The following CDKAL1 variants were observed in gnomAD, a reference collection of about 807,000 sequenced individuals.
CDKAL1 encodes the protein threonylcarbamoyladenosine tRNA methylthiotransferase.
Under a neutral mutation model 68.2 loss-of-function variants are expected in CDKAL1, and 32 were observed. That is an observed-to-expected ratio of 0.47 (90% confidence interval 0.35 to 0.63). The LOEUF is 0.63. Among genes scored for constraint, CDKAL1 ranks in the 30% least tolerant of loss-of-function variants. The pLI is 0.00. For missense variants in CDKAL1, 606 were observed against 696.7 expected (o/e 0.87, Z 1.47); for synonymous variants, 234 against 244.3 (o/e 0.96, Z 0.39).
chr6:21,076,669 G>A (rs1772091272), intron 12 of CDKAL1, among the ~76,000 whole-genome samples: 1 of 152,168 alleles, frequency 6.6e-6, no homozygotes, highest in Admixed American at 6.5e-5. Flanking sequence ...GGATTGTTAA[G>A]TACCTTTTAT....
At chr6:20,755,412 G>C (rs904766321) in intron 6 of CDKAL1, among the ~76,000 whole-genome samples, 3 of 152,028 alleles carry the variant, frequency 2.0e-5, no homozygotes. Context: ...ATAACTTTCT[G>C]TCCTTTTTCT....
intron 9 of CDKAL1, among the ~76,000 whole-genome samples, chr6:20,928,575 A>G (rs1373764719): frequency 6.6e-6 from 1 of 152,214 alleles, no homozygotes; most frequent in African/African-American, 2.4e-5. Context: ...TAGATGAAGA[A>G]TCTGAGATCT....
intron 5 of CDKAL1, among the ~76,000 whole-genome samples, chr6:20,701,627 A>C (rs1771364641): frequency 1.3e-5 from 2 of 150,960 alleles, no homozygotes; most frequent in Admixed American, 6.6e-5. Flanking sequence ...GCCCCCTCCC[A>C]CTCTGTCTAA....
At chr6:21,122,269 T>G (rs1774761116) in intron 13 of CDKAL1, among the ~76,000 whole-genome samples, 1 of 152,244 alleles carries the variant, frequency 6.6e-6, no homozygotes, top group Non-Finnish European at 1.5e-5. Context: ...GGTCTTGGAC[T>G]ATTGTTATTC....
intron 4 of CDKAL1, among the ~76,000 whole-genome samples, chr6:20,625,634 G>A (rs1463751211): frequency 6.6e-6 from 1 of 152,046 alleles, no homozygotes; most frequent in African/African-American, 2.4e-5. Context: ...AATGTGTTCT[G>A]TGTACTTTAA....
At chr6:20,837,744 T>TATA (rs56163103) in intron 8 of CDKAL1, among the ~76,000 whole-genome samples, 69,212 of 147,912 alleles carry the variant, frequency 0.47, 17,082 homozygotes, top group East Asian at 0.7. Flanking sequence ...CACTTCAGCA[T>TATA]ATAATAATAA....
At chr6:20,822,791 C>T (rs1161175253) in intron 8 of CDKAL1, among the ~76,000 whole-genome samples, 1 of 152,144 alleles carries the variant, frequency 6.6e-6, no homozygotes, top group Non-Finnish European at 1.5e-5. Context: ...GCCTTGCTTT[C>T]CCTTCACCTT....
chr6:20,955,637 A>G (rs776639109), intron 10 of CDKAL1, 52 bp downstream of exon 10: 2 of 1,519,384 alleles, frequency 1.3e-6, no homozygotes, highest in Non-Finnish European at 1.8e-6. Flanking sequence ...ACCAGTCCAG[A>G]CAGTGTGGCA....
intron 12 of CDKAL1, among the ~76,000 whole-genome samples, chr6:21,073,285 T>A (rs1475112940): frequency 6.6e-6 from 1 of 152,212 alleles, no homozygotes; most frequent in Non-Finnish European, 1.5e-5. Flanking sequence ...GCTATAAACA[T>A]CCACGTGCAG....
intron 4 of CDKAL1, among the ~76,000 whole-genome samples, chr6:20,561,356 C>T (rs1177680467): frequency 2.1e-5 from 3 of 145,220 alleles, no homozygotes; most frequent in Admixed American, 1.4e-4. Context: ...GCATGAGAAT[C>T]GCTTGAACCC....
chr6:20,586,183 T>C (rs1292505827), intron 4 of CDKAL1, among the ~76,000 whole-genome samples: 2 of 152,206 alleles, frequency 1.3e-5, no homozygotes, highest in Non-Finnish European at 2.9e-5. Flanking sequence ...GCCAGCATCA[T>C]CTTGCCTGGA....
intron 4 of CDKAL1, among the ~76,000 whole-genome samples, chr6:20,647,480 AC>A (rs1768530175): frequency 6.6e-6 from 1 of 151,788 alleles, no homozygotes; most frequent in African/African-American, 2.4e-5. Flanking sequence ...TGTGCCCATC[AC>A]TCTGTTGGGA....
intron 5 of CDKAL1, among the ~76,000 whole-genome samples, chr6:20,732,877 T>G (rs72832309): frequency 0.13 from 19,048 of 152,196 alleles, 1,590 homozygotes; most frequent in East Asian, 0.4. Context: ...TGAACCAAGT[T>G]TTTAAAGACC....
intron 7 of CDKAL1, among the ~76,000 whole-genome samples, chr6:20,764,075 CT>C (rs146162508): frequency 6.6e-5 from 10 of 151,896 alleles, no homozygotes; most frequent in African/African-American, 2.2e-4. Context: ...TCATTAAAAA[CT>C]TTTTTTTGTA....
chr6:20,718,796 G>C (rs1176599412), intron 5 of CDKAL1, among the ~76,000 whole-genome samples: 2 of 151,964 alleles, frequency 1.3e-5, no homozygotes, highest in African/African-American at 4.8e-5. Flanking sequence ...TTTTGGGAGA[G>C]TGTTCAAAAA....
At chr6:20,589,024 CT>C (rs1177014982) in intron 4 of CDKAL1, among the ~76,000 whole-genome samples, 1 of 152,078 alleles carries the variant, frequency 6.6e-6, no homozygotes, top group African/African-American at 2.4e-5. Flanking sequence ...AAAAATATCA[CT>C]ACAAAAAGGA....
chr6:21,198,370 C>T (rs543358430), intron 14 of CDKAL1, among the ~76,000 whole-genome samples: 1 of 152,148 alleles, frequency 6.6e-6, no homozygotes, highest in Non-Finnish European at 1.5e-5. Flanking sequence ...CGTTTGGAAC[C>T]AGGCAATTAG....
chr6:20,580,859 G>A (rs1004217325), intron 4 of CDKAL1, among the ~76,000 whole-genome samples: 10 of 151,604 alleles, frequency 6.6e-5, no homozygotes, highest in African/African-American at 2.4e-4. Context: ...GTGCGATCTC[G>A]GCTTACTGCA....
chr6:20,799,356 A>T (rs1412079638), intron 8 of CDKAL1, among the ~76,000 whole-genome samples: 2 of 151,938 alleles, frequency 1.3e-5, no homozygotes, highest in Non-Finnish European at 2.9e-5. Context: ...CCGGCCTAGA[A>T]CTGAGCTTTT....
Sources: gnomAD v4.1 joint callset for allele counts (sites outside exome capture counted in the v4.1 genomes callset) on GRCh38, gnomAD v4.1.1 for gene constraint, MANE v1.5 for transcripts, NCBI Gene and HGNC (gene_info 2026-07-23, HGNC 2026-07-21) for gene names.